CEP63: variants seen among roughly 807,000 people sequenced by gnomAD.
The protein encoded by CEP63 is centrosomal protein of 63 kDa.
CEP63 carries 84 observed loss-of-function variants against 89.1 expected under a neutral mutation model. That is an observed-to-expected ratio of 0.94 (90% CI 0.79 to 1.13). The LOEUF (loss-of-function observed/expected upper bound fraction) is 1.13. CEP63 is among the 50% of genes most tolerant of loss of function. The probability of loss-of-function intolerance (pLI) is 0.00; values close to 1 mark genes in which losing one functional copy is unlikely to be tolerated. For missense variants in CEP63, 838 were observed against 813.3 expected (o/e 1.03, Z -0.37); for synonymous variants, 267 against 272.5 (o/e 0.98, Z 0.20).
chr3:134,637,058 A>T, the CEP63 span, among the ~76,000 whole-genome samples: 1 of 152,344 alleles, frequency 6.6e-6, no homozygotes, highest in East Asian at 1.9e-4. Flanking sequence ...TGCATGCCAA[A>T]GAGGGTCATT....
the CEP63 span, among the ~76,000 whole-genome samples, chr3:134,777,565 C>G: frequency 6.8e-6 from 1 of 147,156 alleles, no homozygotes; most frequent in East Asian, 2.0e-4. Flanking sequence ...ATTGTGGTTT[C>G]TAACTTTCAC....
At chr3:134,529,659 C>A (rs1949460047) in intron 3 of CEP63, among the ~76,000 whole-genome samples, 1 of 151,236 alleles carries the variant, frequency 6.6e-6, no homozygotes, top group Admixed American at 6.6e-5. Context: ...TTCTTAACAT[C>A]TACATTTATT....
the CEP63 span, among the ~76,000 whole-genome samples, chr3:134,689,310 C>T: frequency 6.6e-6 from 1 of 152,028 alleles, no homozygotes; most frequent in South Asian, 2.1e-4. Flanking sequence ...ATGTACGTAG[C>T]TGAATACAGA....
chr3:134,639,144 C>A, the CEP63 span, among the ~76,000 whole-genome samples: 1 of 140,002 alleles, frequency 7.1e-6, no homozygotes, highest in Non-Finnish European at 1.5e-5. Flanking sequence ...AAAAAAAATA[C>A]CCTTAAAGAG....
intron 2 of CEP63, among the ~76,000 whole-genome samples, chr3:134,505,435 G>T (rs1189741669): frequency 6.6e-6 from 1 of 152,194 alleles, no homozygotes; most frequent in Non-Finnish European, 1.5e-5. Flanking sequence ...GTCAGTGGAG[G>T]CTATAGCAAG....
At chr3:134,525,668 T>G (rs1444360667) in intron 3 of CEP63, among the ~76,000 whole-genome samples, 1 of 152,236 alleles carries the variant, frequency 6.6e-6, no homozygotes, top group Admixed American at 6.5e-5. Flanking sequence ...TAATGCTCTT[T>G]GCTTTCCATA....
chr3:134,740,245 G>A, the CEP63 span, among the ~76,000 whole-genome samples: 1 of 151,624 alleles, frequency 6.6e-6, no homozygotes, highest in Non-Finnish European at 1.5e-5. Flanking sequence ...AAGTGGGGTG[G>A]TAGGAGCACT....
chr3:134,747,824 T>A, the CEP63 span, among the ~76,000 whole-genome samples: 1 of 152,162 alleles, frequency 6.6e-6, no homozygotes, highest in Admixed American at 6.5e-5. Flanking sequence ...CTCACTCTGT[T>A]TCCCAGGCTG....
At chr3:134,655,139 T>A in the CEP63 span, among the ~76,000 whole-genome samples, 1 of 152,094 alleles carries the variant, frequency 6.6e-6, no homozygotes, top group Non-Finnish European at 1.5e-5. Flanking sequence ...TAGCTATGGG[T>A]AGTTATAGCT....
At chr3:134,753,795 A>G in the CEP63 span, among the ~76,000 whole-genome samples, 4 of 152,216 alleles carry the variant, frequency 2.6e-5, no homozygotes, top group Non-Finnish European at 5.9e-5. Flanking sequence ...TTACCTGAGG[A>G]CACAGAGCTA....
the CEP63 span, among the ~76,000 whole-genome samples, chr3:134,664,697 T>TGA: frequency 6.6e-6 from 1 of 152,088 alleles, no homozygotes; most frequent in African/African-American, 2.4e-5. Context: ...TGTGTTTGTG[T>TGA]GTGTAAACAA....
the CEP63 span, among the ~76,000 whole-genome samples, chr3:134,689,178 T>C: frequency 2.1e-3 from 317 of 152,218 alleles, no homozygotes; most frequent in Non-Finnish European, 3.8e-3. Flanking sequence ...ATAAAGCATC[T>C]AACACAGTGC....
At position 134,559,372 on chromosome 3, in the gene CEP63, C is replaced by A; in HGVS notation, c.1896C>A (p.Ala632=). Residue 632 remains alanine, a synonymous_variant, in exon 14 of 15, where the codon GCC becomes GCA. Transcript: ENST00000675561. ...SLPSALDTNE[A]NFSDTMSESM... is the part of the protein sequence containing the mutation. ...CTTCAGCGCTAGATACAAATGAAGC[C>A]AATTTTTCTGACACTATGTCTGAGA... 1 of 1,613,992 alleles carries A rather than the reference C, an allele frequency of 6.2e-7. No individual in the cohort carries two copies. The highest frequency in any genetic ancestry group is 8.5e-7 in the Non-Finnish European group (1 of 1,179,902).
chr3:134,679,950 C>T, the CEP63 span, among the ~76,000 whole-genome samples: 1 of 152,176 alleles, frequency 6.6e-6, no homozygotes, highest in African/African-American at 2.4e-5. Flanking sequence ...CTTGGAACTC[C>T]TGGGCTCATG....
At chr3:134,547,614 CTT>C (rs62656962) in intron 9 of CEP63, 142 bp downstream of exon 9, 11,346 of 265,470 alleles carry the variant, frequency 0.043, 193 homozygotes, top group South Asian at 0.12. Flanking sequence ...GTTCTTATTT[CTT>C]TTTTTTTTTT....
At chr3:134,581,309 G>A (rs1055812881) in intron 10 of CEP63, among the ~76,000 whole-genome samples, 8 of 152,110 alleles carry the variant, frequency 5.3e-5, no homozygotes, top group East Asian at 3.9e-4. Context: ...GGCCAGACGC[G>A]GTGGCTCACA....
At chr3:134,601,260 G>C in the CEP63 span, 1 of 89,732 alleles carries the variant, frequency 1.1e-5, no homozygotes, top group East Asian at 8.2e-4. Flanking sequence ...TTAAACGAGA[G>C]GGAGGGGCTT....
At chr3:134,665,698 C>G in the CEP63 span, among the ~76,000 whole-genome samples, 36,056 of 100,232 alleles carry the variant, frequency 0.36, 5,884 homozygotes, top group East Asian at 0.56. Flanking sequence ...CACACACACA[C>G]ACACAGAGAG....
chr3:134,700,959 G>A, the CEP63 span, among the ~76,000 whole-genome samples: 9 of 151,922 alleles, frequency 5.9e-5, no homozygotes, highest in African/African-American at 1.7e-4. Flanking sequence ...AGTACATTTC[G>A]CTCATGCATC....
Sources: allele counts gnomAD v4.1 joint callset (sites outside exome capture counted in the v4.1 genomes callset), GRCh38; gene constraint gnomAD v4.1.1; transcripts MANE v1.5; gene names NCBI Gene and HGNC (gene_info 2026-07-23, HGNC 2026-07-21).